FAM24B: variants seen among roughly 807,000 people sequenced by gnomAD.
FAM24B encodes the protein protein FAM24B.
Under a neutral mutation model 2.3 loss-of-function variants are expected in FAM24B, and 3 were observed. The observed-to-expected ratio is 1.29, with a 90% CI of 0.59 to 3.32. FAM24B has a LOEUF of 3.32. Among genes scored for constraint, FAM24B ranks in the 30% most tolerant of loss-of-function variants. The pLI is 0.03. For synonymous variants in FAM24B, 36 were observed against 46.3 expected (o/e 0.78, Z 0.90); for missense variants, 98 against 117.2 (o/e 0.84, Z 0.76).
At chr10:122,870,263 A>G (rs1847871823) in intron 1 of FAM24B, among the ~76,000 whole-genome samples, 1 of 152,224 alleles carries the variant, frequency 6.6e-6, no homozygotes, top group Non-Finnish European at 1.5e-5. Context: ...GAATAGACCA[A>G]TAACAGGTGC....
chr10:122,878,913 A>T (rs1848025339), intron 1 of FAM24B, among the ~76,000 whole-genome samples: 1 of 152,106 alleles, frequency 6.6e-6, no homozygotes, highest in African/African-American at 2.4e-5. Context: ...AATTCTAAAA[A>T]GCCTATTTTC....
chr10:122,877,621 G>A (rs2133844831), intron 1 of FAM24B, among the ~76,000 whole-genome samples: 1 of 152,248 alleles, frequency 6.6e-6, no homozygotes, highest in East Asian at 1.9e-4. Flanking sequence ...CAGGACCCAG[G>A]CTCCTCTCCT....
intron 1 of FAM24B, among the ~76,000 whole-genome samples, chr10:122,857,669 G>C (rs1342263599): frequency 1.3e-5 from 2 of 152,110 alleles, no homozygotes; most frequent in Admixed American, 6.6e-5. Flanking sequence ...CTGTTTCCTT[G>C]TATTTCTCTA....
At chr10:122,857,844 A>G (rs1036349614) in intron 1 of FAM24B, among the ~76,000 whole-genome samples, 4 of 152,198 alleles carry the variant, frequency 2.6e-5, no homozygotes, top group Non-Finnish European at 4.4e-5. Context: ...AAAAGGAACA[A>G]AAGAAAACAT....
intron 1 of FAM24B, among the ~76,000 whole-genome samples, chr10:122,864,302 A>G (rs1022802143): frequency 6.6e-6 from 1 of 152,174 alleles, no homozygotes; most frequent in African/African-American, 2.4e-5. Flanking sequence ...AGTTAAAACA[A>G]TCAGGTATTA....
At chr10:122,855,118 GC>G (rs1847616169) in intron 2 of FAM24B, 1 of 152,234 alleles carries the variant, frequency 6.6e-6, no homozygotes, top group African/African-American at 2.4e-5. Context: ...GTTGGGTTTT[GC>G]CCCAGAGAGA....
At chr10:122,859,885 TGAG>T (rs1323111100) in intron 1 of FAM24B, among the ~76,000 whole-genome samples, 1 of 152,028 alleles carries the variant, frequency 6.6e-6, no homozygotes, top group Non-Finnish European at 1.5e-5. Context: ...AGTCACTGGA[TGAG>T]GAGTTGTTCA....
At chr10:122,851,898 A>G (rs1382332426) in intron 2 of FAM24B, among the ~76,000 whole-genome samples, 3 of 152,232 alleles carry the variant, frequency 2.0e-5, no homozygotes, top group Non-Finnish European at 2.9e-5. Flanking sequence ...ACCAATAAAG[A>G]TAAAAATTAT....
intron 2 of FAM24B, among the ~76,000 whole-genome samples, chr10:122,853,124 T>C (rs906467907): frequency 1.3e-5 from 2 of 152,186 alleles, no homozygotes; most frequent in Non-Finnish European, 2.9e-5. Context: ...CTTATGTTTG[T>C]TTTATATATA....
intron 1 of FAM24B, among the ~76,000 whole-genome samples, chr10:122,856,873 T>A (rs1447890572): frequency 6.6e-6 from 1 of 152,120 alleles, no homozygotes; most frequent in Non-Finnish European, 1.5e-5. Flanking sequence ...ACTATATCCC[T>A]CCCTCCACTT....
At chr10:122,866,719 A>C (rs1847809722) in intron 1 of FAM24B, among the ~76,000 whole-genome samples, 2 of 152,128 alleles carry the variant, frequency 1.3e-5, no homozygotes, top group South Asian at 4.1e-4. Context: ...AGACTTAATC[A>C]ACAAATTGTG....
intron 1 of FAM24B, among the ~76,000 whole-genome samples, chr10:122,875,976 C>G (rs1847971170): frequency 6.6e-6 from 1 of 152,202 alleles, no homozygotes; most frequent in African/African-American, 2.4e-5. Flanking sequence ...TGGCACGCCA[C>G]TGAGCATGCA....
chr10:122,857,860 G>A (rs1847663762), intron 1 of FAM24B, among the ~76,000 whole-genome samples: 1 of 152,164 alleles, frequency 6.6e-6, no homozygotes. Context: ...AACATTATCA[G>A]TTTACTTTTA....
chr10:122,849,495 T>C, intron 3 of FAM24B, 56 bp from the exon 4 acceptor site: 1 of 1,494,164 alleles, frequency 6.7e-7, no homozygotes, highest in Non-Finnish European at 9.1e-7. Context: ...TCAGCCCTTT[T>C]GTTAGAACTG....
At chr10:122,874,744 C>A (rs1175296400) in intron 1 of FAM24B, among the ~76,000 whole-genome samples, 1 of 152,150 alleles carries the variant, frequency 6.6e-6, no homozygotes, top group East Asian at 1.9e-4. Context: ...AGCCTGCGGG[C>A]TGTATACGGC....
At chr10:122,858,028 T>C (rs1352303942) in intron 1 of FAM24B, among the ~76,000 whole-genome samples, 1 of 152,142 alleles carries the variant, frequency 6.6e-6, no homozygotes, top group Non-Finnish European at 1.5e-5. Context: ...AGAAATACCA[T>C]TTGACCCAGC....
At chr10:122,876,215 C>T (rs1010922374) in intron 1 of FAM24B, among the ~76,000 whole-genome samples, 4 of 152,172 alleles carry the variant, frequency 2.6e-5, no homozygotes, top group South Asian at 2.1e-4. Flanking sequence ...TTCCTTATGA[C>T]CCTTGGTCGA....
intron 2 of FAM24B, among the ~76,000 whole-genome samples, chr10:122,853,045 A>G (rs910198714): frequency 1.3e-5 from 2 of 152,146 alleles, no homozygotes; most frequent in African/African-American, 4.8e-5. Flanking sequence ...TAGGGAACTC[A>G]CTACCATGCT....
chr10:122,862,452 C>T (rs916279452), intron 1 of FAM24B, among the ~76,000 whole-genome samples: 2 of 152,094 alleles, frequency 1.3e-5, no homozygotes, highest in Admixed American at 6.5e-5. Flanking sequence ...AAAGTAAATA[C>T]ATGAAGTTAT....
Sources: gnomAD v4.1 joint callset for allele counts (sites outside exome capture counted in the v4.1 genomes callset) on GRCh38, gnomAD v4.1.1 for gene constraint, MANE v1.5 for transcripts, NCBI Gene and HGNC (gene_info 2026-07-23, HGNC 2026-07-21) for gene names.